The following TEX9 variants were observed in gnomAD, a reference collection of about 807,000 sequenced individuals.
The protein encoded by TEX9 is testis-expressed protein 9.
Under a neutral mutation model 59.6 loss-of-function variants are expected in TEX9, and 74 were observed. The observed-to-expected ratio is 1.24, with a 90% confidence interval of 1.03 to 1.51. TEX9 has a LOEUF of 1.51. TEX9 is among the 40% of genes most tolerant of loss of function. The probability of loss-of-function intolerance (pLI) is 0.00; values close to 1 mark genes in which losing one functional copy is unlikely to be tolerated. For missense variants in TEX9, 522 were observed against 447.8 expected (o/e 1.17, Z -1.49); for synonymous variants, 186 against 152.2 (o/e 1.22, Z -1.64).
chr15:56,297,056 G>T (rs1297237583), intron 1 of TEX9, among the ~76,000 whole-genome samples: 1 of 151,312 alleles, frequency 6.6e-6, no homozygotes, highest in Admixed American at 6.6e-5. Flanking sequence ...AAGAAATACA[G>T]GAAACAGAAA....
At chr15:56,391,825 T>A (rs907296443) in intron 7 of TEX9, among the ~76,000 whole-genome samples, 4 of 152,198 alleles carry the variant, frequency 2.6e-5, no homozygotes, top group Non-Finnish European at 4.4e-5. Flanking sequence ...ATATATTTTA[T>A]TTATTGCATG....
chr15:56,339,120 C>T (rs1297358232), intron 1 of TEX9, among the ~76,000 whole-genome samples: 14 of 150,506 alleles, frequency 9.3e-5, no homozygotes, highest in East Asian at 2.0e-4. Flanking sequence ...TGGTGGCTCA[C>T]GTCTGTAATC....
chr15:56,423,163 G>GTGTA (rs1455304596), intron 10 of TEX9, among the ~76,000 whole-genome samples: 2 of 152,176 alleles, frequency 1.3e-5, no homozygotes, highest in Non-Finnish European at 2.9e-5. Context: ...GTTCCTTGAT[G>GTGTA]TGTAAAGTCA....
At chr15:56,394,628 T>G in intron 8 of TEX9, 33 bp from the exon 9 acceptor site, 1 of 1,423,510 alleles carries the variant, frequency 7.0e-7, no homozygotes, top group Non-Finnish European at 9.6e-7. Context: ...TCTTACATAT[T>G]TTTTCACATA....
At chr15:56,388,489 A>G in exon 5 of TEX9, 1 of 1,611,434 alleles carries the variant, frequency 6.2e-7, no homozygotes, top group Non-Finnish European at 8.5e-7. Context: ...TTACCATCTG[A>G]AGGGATAGTT....
intron 10 of TEX9, among the ~76,000 whole-genome samples, chr15:56,414,139 T>C (rs1161070159): frequency 1.3e-5 from 2 of 151,872 alleles, no homozygotes; most frequent in East Asian, 3.8e-4. Flanking sequence ...CTAATTGTTG[T>C]AGATTTGACC....
intron 10 of TEX9, among the ~76,000 whole-genome samples, chr15:56,423,392 C>T (rs780542495): frequency 1.8e-4 from 28 of 152,020 alleles, no homozygotes; most frequent in African/African-American, 2.9e-4. Context: ...TCCAGTTTTC[C>T]GTCCGCTGTT....
chr15:56,257,081 C>G (rs2044161233), intron 1 of TEX9, among the ~76,000 whole-genome samples: 1 of 151,996 alleles, frequency 6.6e-6, no homozygotes, highest in Admixed American at 6.6e-5. Flanking sequence ...GGATAATGGC[C>G]TCCAGCTCCA....
chr15:56,304,069 T>C (rs370134614), intron 1 of TEX9, among the ~76,000 whole-genome samples: 8 of 152,298 alleles, frequency 5.3e-5, no homozygotes, highest in South Asian at 2.1e-4. Flanking sequence ...AACAAACACT[T>C]AAAGAACTAA....
chr15:56,377,048 A>AAATGAGTTC (rs2047490062), intron 3 of TEX9, among the ~76,000 whole-genome samples: 1 of 152,186 alleles, frequency 6.6e-6, no homozygotes, highest in African/African-American at 2.4e-5. Flanking sequence ...ACCTTGTCAA[A>AAATGAGTTC]AATGAGTTCA....
At chr15:56,394,361 A>G (rs2048355515) in intron 8 of TEX9, 114 bp downstream of exon 8, 2 of 944,892 alleles carry the variant, frequency 2.1e-6, no homozygotes, top group Non-Finnish European at 1.5e-6. Flanking sequence ...TAAATTTTGA[A>G]TTCAAAAATT....
intron 9 of TEX9, among the ~76,000 whole-genome samples, chr15:56,410,441 A>G (rs1333636418): frequency 6.6e-6 from 1 of 151,766 alleles, no homozygotes; most frequent in Non-Finnish European, 1.5e-5. Flanking sequence ...TTGAATTTTA[A>G]TGTTAAATTT....
At chr15:56,273,195 T>A (rs2044589579) in intron 1 of TEX9, among the ~76,000 whole-genome samples, 1 of 152,166 alleles carries the variant, frequency 6.6e-6, no homozygotes, top group Non-Finnish European at 1.5e-5. Flanking sequence ...CCTTGTGATC[T>A]GCCTGCCTTG....
chr15:56,399,576 C>G (rs977070787), intron 9 of TEX9, among the ~76,000 whole-genome samples: 1 of 152,248 alleles, frequency 6.6e-6, no homozygotes, highest in African/African-American at 2.4e-5. Flanking sequence ...CAGACTTAAA[C>G]GTCCCTGTCT....
chr15:56,447,754 A>C (rs1456768138), downstream of TEX9: 3 of 152,150 alleles, frequency 2.0e-5, no homozygotes, highest in Admixed American at 2.0e-4. Context: ...ACCACAATCA[A>C]GATCATGAAC....
At chr15:56,324,161 T>G (rs1180798641) in intron 1 of TEX9, among the ~76,000 whole-genome samples, 1 of 146,152 alleles carries the variant, frequency 6.8e-6, no homozygotes, top group Non-Finnish European at 1.5e-5. Flanking sequence ...TTCTTTTAAC[T>G]AAATATCACT....
At chr15:56,291,217 C>G (rs188531573) in intron 1 of TEX9, among the ~76,000 whole-genome samples, 11 of 152,234 alleles carry the variant, frequency 7.2e-5, no homozygotes, top group African/African-American at 2.6e-4. Flanking sequence ...AGATCTAGGT[C>G]AGAGATGTTG....
chr15:56,332,654 A>G (rs555576303), intron 1 of TEX9, among the ~76,000 whole-genome samples: 25 of 152,174 alleles, frequency 1.6e-4, no homozygotes, highest in African/African-American at 5.8e-4. Context: ...AGCAAATCAA[A>G]CACAATATAA....
At chr15:56,305,127 A>G (rs1376971679) in intron 1 of TEX9, among the ~76,000 whole-genome samples, 1 of 152,228 alleles carries the variant, frequency 6.6e-6, no homozygotes, top group Non-Finnish European at 1.5e-5. Flanking sequence ...CAAGAAATTG[A>G]GAAGACACAA....
Sources: gnomAD v4.1 joint callset for allele counts (sites outside exome capture counted in the v4.1 genomes callset) on GRCh38, gnomAD v4.1.1 for gene constraint, MANE v1.5 for transcripts, NCBI Gene and HGNC (gene_info 2026-07-23, HGNC 2026-07-21) for gene names.